The following CAND1 variants were observed in gnomAD, a reference collection of about 807,000 sequenced individuals.
CAND1 encodes cullin associated and neddylation dissociated 1, also known as cullin-associated NEDD8-dissociated protein 1.
A neutral mutation model predicts 108.5 loss-of-function variants in CAND1; 7 were observed. The ratio of observed to expected loss-of-function variants is 0.06; its 90% CI spans 0.04 to 0.12. The LOEUF is 0.12. CAND1 is among the 10% of genes least tolerant of loss of function. CAND1 has a pLI of 1.00. For synonymous variants in CAND1, 534 were observed against 512.0 expected (o/e 1.04, Z -0.58); for missense variants, 941 against 1,448.7 (o/e 0.65, Z 5.69).
At chr12:67,290,394 C>T (rs992952265) in intron 2 of CAND1, among the ~76,000 whole-genome samples, 2 of 151,942 alleles carry the variant, frequency 1.3e-5, no homozygotes, top group African/African-American at 4.8e-5. Flanking sequence ...ACTTGTAGTC[C>T]CAGCTACTTG....
In CAND1 at chr12:67,292,983, T is replaced by C. The variant is rs1180545408; in HGVS notation, c.367+207T>C. 8 of 495,306 alleles carry C rather than the reference T, an allele frequency of 1.6e-5. No individual in the cohort carries two copies. In the East Asian group the frequency reaches 3.0e-4, roughly 18 times the overall value. The allele number at this position is 495,306 out of a possible 1,614,324, so 30.7% of individuals were successfully genotyped here. A position where few individuals can be genotyped will look rare whatever the true frequency, so the allele number is the denominator to read the frequency against. On this transcript the variant is annotated intron_variant, in intron 3 of 14. Transcript: ENST00000545606. ...TAAATGAATATTTTGATTGAACTTG[T>C]ATGTAATATGAATTTCAGTGAAGGA...
intron 1 of CAND1, among the ~76,000 whole-genome samples, chr12:67,278,231 G>A (rs2044588041): frequency 6.6e-6 from 1 of 152,096 alleles, no homozygotes; most frequent in African/African-American, 2.4e-5. Flanking sequence ...CCACTGCCCG[G>A]CTTCAAGCGA....
intron 7 of CAND1, among the ~76,000 whole-genome samples, chr12:67,301,772 C>G (rs1434659589): frequency 1.3e-5 from 2 of 152,138 alleles, no homozygotes; most frequent in East Asian, 3.8e-4. Flanking sequence ...GAGTGAAAAG[C>G]CTTGTAGTCA....
chr12:67,283,583 A>AG (rs1491291685), intron 2 of CAND1, among the ~76,000 whole-genome samples: 1 of 107,912 alleles, frequency 9.3e-6, no homozygotes, highest in African/African-American at 4.7e-5. Flanking sequence ...ACTGTGTCTC[A>AG]AAAAAAAAAA....
At position 67,316,428 on chromosome 12, in the gene CAND1, C is replaced by T. The variant is rs1183253696; in HGVS notation, c.*3598C>T. ...AAATTGCTTGTTTTCCTATGAATATCAGAAAAGATTTTGTAAACACCTTTG... is the reference window on the plus strand; with the variant it reads ...AAATTGCTTGTTTTCCTATGAATATTAGAAAAGATTTTGTAAACACCTTTG... On this transcript the variant is annotated 3_prime_UTR_variant, in exon 15 of 15. Transcript: ENST00000545606. 1 of 152,134 alleles carries T rather than the reference C, an allele frequency of 6.6e-6. No homozygotes were observed. Among genetic ancestry groups the T allele is most frequent in the Non-Finnish European group, 1.5e-5 (1 of 68,008 alleles). 9.4% of individuals were successfully genotyped at this position (152,134 alleles called of 1,614,324 possible).
intron 2 of CAND1, among the ~76,000 whole-genome samples, chr12:67,292,113 C>T (rs1326468655): frequency 4.6e-5 from 7 of 152,110 alleles, no homozygotes; most frequent in Admixed American, 2.0e-4. Context: ...GTGATCCACC[C>T]GCCTGGTCCT....
Position 67,305,239 on chromosome 12 carries a change from T to C in CAND1, c.1571T>C (p.Val524Ala), listed in dbSNP as rs190148163. 4 of 1,614,196 alleles carry C rather than the reference T, an allele frequency of 2.5e-6. No individual in the cohort carries two copies. In the Admixed American group the frequency reaches 6.7e-5, roughly 27 times the overall value. The part of the protein sequence containing the change: ...HPHVQALVPP[V>A]VACVGDPFYK... The stretch of plus-strand genomic sequence containing the variant: ...CACGTTCAGGCTTTGGTTCCTCCAG[T>C]GGTGGCTTGTGTTGGAGACCCATTT... Residue 524 changes from valine (V) to alanine (A), a missense_variant, in exon 10 of 15, where the codon GTG becomes GCG. By Grantham distance (64) the Val-to-Ala change is moderately conservative. This residue lies in a region of CAND1 where 697 missense variants were observed against 942.0 expected (regional missense o/e 0.74). Transcript: ENST00000545606. The surrounding 1 kb of genome is among the most constrained non-coding windows in gnomAD (Gnocchi z 4.4).
chr12:67,307,231 T>C (rs1440753753), intron 10 of CAND1, among the ~76,000 whole-genome samples, 166 bp from the exon 11 acceptor site: 1 of 152,140 alleles, frequency 6.6e-6, no homozygotes, highest in Non-Finnish European at 1.5e-5. Flanking sequence ...ATAAGTAAGT[T>C]AATTTTGCTC....
intron 2 of CAND1, chr12:67,282,319 G>T (rs193278132): frequency 2.4e-4 from 72 of 295,000 alleles, no homozygotes; most frequent in South Asian, 6.5e-4. Flanking sequence ...TCTCTCATTT[G>T]TTTCACTATA....
At chr12:67,310,670 A>G (rs1025563861) in intron 13 of CAND1, 3 of 161,432 alleles carry the variant, frequency 1.9e-5, no homozygotes, top group African/African-American at 4.8e-5. Flanking sequence ...ACATTGGACC[A>G]TAGTTGCTAC....
rs575973661 is a variant in CAND1, at chr12:67,317,986, T to C, written c.*5156T>C. On this transcript the variant is annotated 3_prime_UTR_variant, in exon 15 of 15. Coordinates refer to ENST00000545606, the MANE Select transcript of CAND1 (RefSeq NM_018448.5). ...CAAACTGGAAATCTAAAAGCCTCAC[T>C]TAGCAAGAGTTTGGAGGCAGAATAT... The C allele has an allele frequency of 2.6e-5, 4 of 152,358 alleles. No homozygotes were observed. Among genetic ancestry groups the C allele is most frequent in the Admixed American group, 6.5e-5 (1 of 15,298 alleles). The allele number at this position is 152,358 out of a possible 1,614,324, so 9.4% of individuals were successfully genotyped here.
intron 1 of CAND1, among the ~76,000 whole-genome samples, chr12:67,275,773 A>G (rs2044563598): frequency 6.6e-6 from 1 of 152,124 alleles, no homozygotes; most frequent in African/African-American, 2.4e-5. Context: ...GTGCATACCT[A>G]GTGTAAGTTC....
At chr12:67,289,245 T>C (rs1330367797) in intron 2 of CAND1, among the ~76,000 whole-genome samples, 1 of 152,022 alleles carries the variant, frequency 6.6e-6, no homozygotes, top group African/African-American at 2.4e-5. Flanking sequence ...TGAGATGGAG[T>C]TTTGCTCTTG....
At position 67,297,873 on chromosome 12, in the gene CAND1, AT is replaced by A; in HGVS notation, c.854+26del. The stretch of plus-strand genomic sequence containing the variant: ...AAGAAGGTAAGTTTTTAAGATCTCT[AT>A]TTTTTACAAAAAGTTTTTCCTTAAG... On this transcript the variant is annotated intron_variant, in intron 6 of 14. Coordinates refer to ENST00000545606, the MANE Select transcript of CAND1 (RefSeq NM_018448.5). The A allele has an allele frequency of 6.9e-7, 1 of 1,443,632 alleles. No individual in the cohort carries two copies. The highest frequency in any genetic ancestry group is 9.6e-7 in the Non-Finnish European group (1 of 1,042,148). 89.4% of individuals were successfully genotyped at this position (1,443,632 alleles called of 1,614,324 possible).
chr12:67,297,289 G>A, intron 4 of CAND1, 118 bp from the exon 5 acceptor site: 2 of 944,234 alleles, frequency 2.1e-6, no homozygotes, highest in East Asian at 2.4e-5. Context: ...CTATGAATTA[G>A]TCTCAACTAA....
At chr12:67,292,920 T>C in intron 3 of CAND1, 144 bp downstream of exon 3, 1 of 693,416 alleles carries the variant, frequency 1.4e-6, no homozygotes, top group Non-Finnish European at 2.5e-6. Flanking sequence ...ATTAAGAAAA[T>C]TAAAGCGTGA....
At chr12:67,294,688 G>A (rs2044752646) in intron 3 of CAND1, among the ~76,000 whole-genome samples, 1 of 152,136 alleles carries the variant, frequency 6.6e-6, no homozygotes, top group South Asian at 2.1e-4. Context: ...ATTGTTTTCT[G>A]TGTCCTTTAC....
rs1465588233 is a variant in CAND1 at position 67,316,969 on chromosome 12, T to C, written c.*4139T>C. ...TGGAGACCAGCTCTAGGCAACATAG[T>C]GAGACCCTGTCTCTACCAAAAAGAA... On this transcript the variant is annotated 3_prime_UTR_variant, in exon 15 of 15. Coordinates refer to ENST00000545606, the MANE Select transcript of CAND1 (RefSeq NM_018448.5). 6.6e-6 allele frequency: 1 copy of C among 152,160 alleles called. No homozygotes were observed. The highest frequency in any genetic ancestry group is 2.4e-5 in the African/African-American group (1 of 41,406). 9.4% of individuals were successfully genotyped at this position (152,160 alleles called of 1,614,324 possible). A position where few individuals can be genotyped will look rare whatever the true frequency, so the allele number is the denominator to read the frequency against.
At chr12:67,276,030 C>G (rs1474884308) in intron 1 of CAND1, among the ~76,000 whole-genome samples, 1 of 152,156 alleles carries the variant, frequency 6.6e-6, no homozygotes, top group African/African-American at 2.4e-5. Flanking sequence ...TTTGATATCA[C>G]CCTTCTCCCG....
Sources: gnomAD v4.1 joint callset for allele counts (sites outside exome capture counted in the v4.1 genomes callset) on GRCh38, gnomAD v4.1.1 for gene constraint, gnomAD v4.1.1 regional missense constraint, Gnocchi (gnomAD v3.1) non-coding constraint, MANE v1.5 for transcripts, NCBI Gene and HGNC (gene_info 2026-07-23, HGNC 2026-07-21) for gene names.